RFLNA: variants seen among roughly 807,000 people sequenced by gnomAD.
RFLNA encodes the protein refilin-A.
In RFLNA, 5 loss-of-function variants were observed where a neutral mutation model predicts 7.8. The ratio of observed to expected loss-of-function variants is 0.64; its 90% confidence interval spans 0.34 to 1.35. The LOEUF (loss-of-function observed/expected upper bound fraction) is 1.35. Among genes scored for constraint, RFLNA ranks in the 40% most tolerant of loss-of-function variants. The pLI is 0.04. For missense variants in RFLNA, 278 were observed against 305.5 expected, an observed-to-expected ratio of 0.91 and a Z score of 0.67; for synonymous variants, 141 against 131.3, an observed-to-expected ratio of 1.07 and a Z score of -0.50.
chr12:124,308,939 C>T lies in RFLNA; in HGVS notation c.208-2879C>T, dbSNP rs2034185948. On this transcript the variant is annotated intron_variant, in intron 1 of 2. Coordinates refer to ENST00000546355, the MANE Select transcript of RFLNA (RefSeq NM_001365156.1). ...GGATCTACCCCGGCCAGTGCGACAGCTGCCAGCGCGTGGCGGGTGCGACTG... is the reference window on the plus strand; with the variant it reads ...GGATCTACCCCGGCCAGTGCGACAGTTGCCAGCGCGTGGCGGGTGCGACTG... 1.3e-5 allele frequency among the ~76,000 whole-genome samples: 2 copies of T among 152,250 alleles called. 1 individual carries two copies. Among genetic ancestry groups the T allele is most frequent in the African/African-American group, 4.8e-5 (2 of 41,466 alleles).
intron 1 of RFLNA, among the ~76,000 whole-genome samples, chr12:124,310,931 C>T (rs1294946872): frequency 6.6e-6 from 1 of 152,216 alleles, no homozygotes; most frequent in Non-Finnish European, 1.5e-5. Context: ...GGTCTGAAGC[C>T]TCAAAATGGA....
chr12:124,296,108 C>CTTTCTTTCTTTCTTTCTTTCT, intron 1 of RFLNA, among the ~76,000 whole-genome samples: 1 of 3,576 alleles, frequency 2.8e-4, no homozygotes, highest in East Asian at 0.1. Flanking sequence ...TTCTTTCTTT[C>CTTTCTTTCTTTCTTTCTTTCT]TTTCTTTCTT....
At chr12:124,310,853 C>T (rs1451936293) in intron 1 of RFLNA, among the ~76,000 whole-genome samples, 1 of 152,128 alleles carries the variant, frequency 6.6e-6, no homozygotes, top group South Asian at 2.1e-4. Context: ...CTTCTGTTCC[C>T]ATAGAACTCT....
At chr12:124,296,126 C>CTTTTCTTTCTTTCTT (rs1566320083) in intron 1 of RFLNA, among the ~76,000 whole-genome samples, 1 of 1,520 alleles carries the variant, frequency 6.6e-4, no homozygotes, top group African/African-American at 1.1e-3. Flanking sequence ...CTTTCTTTCT[C>CTTTTCTTTCTTTCTT]TCTCTCTCTC....
chr12:124,300,081 A>G (rs2033999041), intron 1 of RFLNA, among the ~76,000 whole-genome samples: 1 of 152,208 alleles, frequency 6.6e-6, no homozygotes, highest in Admixed American at 6.5e-5. Flanking sequence ...TCTGGGGTTC[A>G]TGTTCAAATG....
In RFLNA at chr12:124,314,434, T is replaced by C. The variant is rs760586270; in HGVS notation, c.560T>C (p.Leu187Pro). 1.2e-6 allele frequency: 2 copies of C among 1,603,202 alleles called. No homozygotes were observed. The highest frequency in any genetic ancestry group is 2.7e-5 in the African/African-American group (2 of 74,934). Residue 187 changes from leucine to proline, a missense_variant, in exon 3 of 3, where the codon CTG becomes CCG. By Grantham distance (98) the Leu-to-Pro change is moderately conservative. Coordinates refer to ENST00000546355, the MANE Select transcript of RFLNA (RefSeq NM_001365156.1). ...STFRTTLHCS[L>P]GRPSRWFTAS... The stretch of plus-strand genomic sequence containing the variant: ...TTCCGGACCACCCTGCACTGCAGCC[T>C]GGGCCGGCCCAGCCGCTGGTTCACC...
At chr12:124,314,055 C>G in intron 2 of RFLNA, 137 bp from the exon 3 acceptor site, 1 of 1,167,220 alleles carries the variant, frequency 8.6e-7, no homozygotes, top group Non-Finnish European at 1.2e-6. Flanking sequence ...ACCTTCTTGA[C>G]CTTGACATTT....
At chr12:124,300,808 A>G (rs552106305) in intron 1 of RFLNA, among the ~76,000 whole-genome samples, 28 of 150,060 alleles carry the variant, frequency 1.9e-4, no homozygotes, top group Non-Finnish European at 2.8e-4. Context: ...GGATGGATGG[A>G]TGGATGGACA....
In RFLNA at chr12:124,315,988, AATTG is replaced by A. The variant is rs1194707660; in HGVS notation, c.*1471_*1474del. Reference sequence around the variant, plus strand: ...TGGTTAACAAAGGAATAACTTAAGAAATTGATTGATTATCTTAATAAACTGTGCA... The same window carrying A: ...TGGTTAACAAAGGAATAACTTAAGAAATTGATTATCTTAATAAACTGTGCA... On this transcript the variant is annotated 3_prime_UTR_variant, in exon 3 of 3. Coordinates refer to ENST00000546355, the MANE Select transcript of RFLNA (RefSeq NM_001365156.1). 7 of 152,216 alleles carry A rather than the reference AATTG, an allele frequency of 4.6e-5. No individual in the cohort carries two copies. Among genetic ancestry groups the A allele is most frequent in the African/African-American group, 7.2e-5 (3 of 41,450 alleles). The allele number at this position is 152,216 out of a possible 1,614,324, so 9.4% of individuals were successfully genotyped here.
chr12:124,302,828 G>A (rs1196335289), intron 1 of RFLNA, among the ~76,000 whole-genome samples: 1 of 149,078 alleles, frequency 6.7e-6, no homozygotes, highest in African/African-American at 2.5e-5. Flanking sequence ...CGAGGTCAGG[G>A]GCCGAGGTCA....
chr12:124,313,453 C>A (rs185980947), intron 2 of RFLNA, among the ~76,000 whole-genome samples: 2 of 152,126 alleles, frequency 1.3e-5, no homozygotes, highest in South Asian at 2.1e-4. Context: ...CCGAGGCGGG[C>A]GGATCACGAG....
At chr12:124,292,761 GC>G (rs1298134934), upstream of RFLNA, among the ~76,000 whole-genome samples, 5 of 152,186 alleles carry the variant, frequency 3.3e-5, no homozygotes, top group Non-Finnish European at 7.3e-5. Flanking sequence ...TGATAAGCGG[GC>G]TTCTAGATCA....
intron 1 of RFLNA, among the ~76,000 whole-genome samples, chr12:124,298,862 CA>C (rs2033976175): frequency 6.6e-6 from 1 of 152,218 alleles, no homozygotes; most frequent in Admixed American, 6.5e-5. Flanking sequence ...ATGGCATGTG[CA>C]AAGGTCCTGA....
At chr12:124,302,922 C>T (rs551596813) in intron 1 of RFLNA, among the ~76,000 whole-genome samples, 1 of 150,896 alleles carries the variant, frequency 6.6e-6, no homozygotes, top group African/African-American at 2.4e-5. Context: ...ATAAGGACGC[C>T]TCTCCCGCGG....
intron 1 of RFLNA, among the ~76,000 whole-genome samples, chr12:124,298,696 G>A (rs559129385): frequency 6.6e-6 from 1 of 152,376 alleles, no homozygotes; most frequent in South Asian, 2.1e-4. Context: ...ATGTGTGGCA[G>A]CAGCAGGTGG....
intron 1 of RFLNA, among the ~76,000 whole-genome samples, chr12:124,303,483 G>A (rs2034082638): frequency 6.6e-6 from 1 of 152,208 alleles, no homozygotes. Context: ...CCAGGCCACA[G>A]CAGGCTTGCC....
upstream of RFLNA, among the ~76,000 whole-genome samples, chr12:124,291,204 T>C (rs906338114): frequency 1.3e-5 from 2 of 152,228 alleles, no homozygotes; most frequent in Non-Finnish European, 2.9e-5. Flanking sequence ...TTAACCTCTC[T>C]GAGTCTCCAT....
intron 1 of RFLNA, among the ~76,000 whole-genome samples, chr12:124,297,149 A>C (rs964474570): frequency 6.6e-6 from 1 of 152,082 alleles, no homozygotes; most frequent in African/African-American, 2.4e-5. Context: ...AACGACCTGG[A>C]ATCCGCCTTC....
At position 124,306,689 on chromosome 12, in the gene RFLNA, G is replaced by A. The variant is rs1366539166; in HGVS notation, c.208-5129G>A. 6.6e-6 allele frequency among the ~76,000 whole-genome samples: 1 copy of A among 152,152 alleles called. No homozygotes were observed. Among genetic ancestry groups the A allele is most frequent in the African/African-American group, 2.4e-5 (1 of 41,438 alleles). On this transcript the variant is annotated intron_variant, in intron 1 of 2. Transcript: ENST00000546355. The surrounding 1 kb of genome is among the most constrained non-coding windows in gnomAD (Gnocchi z 5.2). ...GGTGCTGCCAGCAGCTGCGTGCTGGGGTTTTTTATAAGGATCAGATGAGTA... is the reference window on the plus strand; with the variant it reads ...GGTGCTGCCAGCAGCTGCGTGCTGGAGTTTTTTATAAGGATCAGATGAGTA...
Sources: allele counts gnomAD v4.1 joint callset (sites outside exome capture counted in the v4.1 genomes callset), GRCh38; gene constraint gnomAD v4.1.1; non-coding constraint Gnocchi (gnomAD v3.1); transcripts MANE v1.5; gene names NCBI Gene and HGNC (gene_info 2026-07-23, HGNC 2026-07-21).